The following PADI3 variants were observed in gnomAD, a reference collection of about 807,000 sequenced individuals.
PADI3 encodes peptidyl arginine deiminase 3, also known as protein-arginine deiminase type-3.
In PADI3, 53 loss-of-function variants were observed where a neutral mutation model predicts 71.5. The ratio of observed to expected loss-of-function variants is 0.74; its 90% confidence interval spans 0.59 to 0.93. The LOEUF is 0.93. Ranked by LOEUF, PADI3 falls within the 40% of genes least tolerant of loss-of-function variation. The pLI is 0.00. For synonymous variants in PADI3, 361 were observed against 347.5 expected (o/e 1.04, Z -0.43); for missense variants, 821 against 868.0 (o/e 0.95, Z 0.68).
intron 2 of PADI3, among the ~76,000 whole-genome samples, chr1:17,260,063 G>T (rs1343924548): frequency 6.6e-6 from 1 of 152,140 alleles, no homozygotes; most frequent in Non-Finnish European, 1.5e-5. Context: ...TCCTTCTCTT[G>T]CTTCCCAAGA....
intron 1 of PADI3, among the ~76,000 whole-genome samples, chr1:17,256,062 A>G (rs1380340629): frequency 6.6e-6 from 1 of 152,172 alleles, no homozygotes; most frequent in African/African-American, 2.4e-5. Flanking sequence ...TTAAGGTTCC[A>G]CGGTGAAAAC....
At chr1:17,275,235 A>T (rs2073312271) in intron 11 of PADI3, among the ~76,000 whole-genome samples, 1 of 151,492 alleles carries the variant, frequency 6.6e-6, no homozygotes, top group Non-Finnish European at 1.5e-5. Context: ...GGAGATCGAG[A>T]CCATCCTGGC....
rs760902791 is a variant in PADI3 at position 17,280,692 on chromosome 1, G to A, written c.1657G>A (p.Glu553Lys). 5.2e-5 allele frequency: 84 copies of A among 1,614,078 alleles called. No homozygotes were observed. The highest frequency in any genetic ancestry group is 6.7e-5 in the Non-Finnish European group (79 of 1,180,040). Reference sequence around the variant, plus strand: ...CCAGAGCTGCATCGACTGGAACCGTGAGGTGCTGAAGCGGGAGCTGGGCCT... The same window carrying A: ...CCAGAGCTGCATCGACTGGAACCGTAAGGTGCTGAAGCGGGAGCTGGGCCT... ...FVQSCIDWNR[E>K]VLKRELGLAE... The change falls in exon 15 of 16, where the codon GAG (glutamate) becomes AAG (lysine). Residue 553 changes from glutamate (E) to lysine (K), a missense_variant. Transcript: ENST00000375460.
At chr1:17,278,454 C>T (rs1356416429) in intron 13 of PADI3, among the ~76,000 whole-genome samples, 1 of 152,150 alleles carries the variant, frequency 6.6e-6, no homozygotes, top group African/African-American at 2.4e-5. Flanking sequence ...GTCTTGAACT[C>T]CTGAGCTCAA....
At position 17,249,185 on chromosome 1, in the gene PADI3, C is replaced by G; in HGVS notation, c.48C>G (p.Ser16Arg). The change falls in exon 1 of 16, where the codon AGC becomes AGG. Residue 16 changes from serine to arginine, a missense_variant. Coordinates refer to ENST00000375460, the MANE Select transcript of PADI3 (RefSeq NM_016233.2). The part of the protein sequence containing the change: ...IVRVSLEHPT[S>R]AVCVAGVETL... ...GTGTGTCCCTGGAGCATCCCACCAG[C>G]GCGGTGTGTGTGGCTGGCGTGGAGA... The G allele has an allele frequency of 6.2e-7, 1 of 1,614,132 alleles. No individual in the cohort carries two copies.
chr1:17,264,331 T>TACACAC (rs60223695), intron 3 of PADI3, among the ~76,000 whole-genome samples: 2,018 of 148,184 alleles, frequency 0.014, 41 homozygotes, highest in African/African-American at 0.039. Flanking sequence ...AAAGCATATG[T>TACACAC]ACACACACAC....
intron 3 of PADI3, among the ~76,000 whole-genome samples, chr1:17,264,536 C>G (rs192689800): frequency 7.0e-4 from 106 of 152,254 alleles, no homozygotes; most frequent in Non-Finnish European, 2.2e-4. Context: ...CTTGCTTCTC[C>G]TCATGGTTTT....
At chr1:17,263,414 C>A (rs2073126508) in intron 3 of PADI3, among the ~76,000 whole-genome samples, 2 of 151,870 alleles carry the variant, frequency 1.3e-5, no homozygotes, top group South Asian at 4.2e-4. Context: ...AATAGAGAAC[C>A]CATAGACAGA....
chr1:17,277,132 T>A (rs1156696323), intron 13 of PADI3, among the ~76,000 whole-genome samples: 2 of 150,808 alleles, frequency 1.3e-5, no homozygotes, highest in Non-Finnish European at 2.9e-5. Context: ...CCCAGGCAGG[T>A]GACCAGTGCA....
At position 17,277,192 on chromosome 1, in the gene PADI3, C is replaced by CT. The variant is rs139511864; in HGVS notation, c.1555+328dup. On this transcript the variant is annotated intron_variant, in intron 13 of 15. Transcript: ENST00000375460. ...CTGCAGTCACTATCCTGAAATCTCC[C>CT]TTTTTTTTTTTTCCTTTTTGAGACG... is the stretch of plus-strand genomic sequence containing the variant. Among the ~76,000 whole-genome samples the CT allele has an allele frequency of 6.4e-3, 945 of 146,782 alleles. 4 individuals are homozygous for CT. Among genetic ancestry groups the CT allele is most frequent in the Non-Finnish European group, 0.011 (700 of 66,276 alleles).
At chr1:17,251,037 C>A (rs920623582) in intron 1 of PADI3, among the ~76,000 whole-genome samples, 20 of 152,190 alleles carry the variant, frequency 1.3e-4, no homozygotes, top group Non-Finnish European at 8.8e-5. Flanking sequence ...GGTGGCCAAA[C>A]CCCCCAGGGG....
intron 6 of PADI3, 93 bp downstream of exon 6, chr1:17,268,055 T>A: frequency 6.9e-7 from 1 of 1,455,516 alleles, no homozygotes. Context: ...CATGGGCAGG[T>A]CCTGCTTACA....
chr1:17,283,276 T>G lies in PADI3; in HGVS notation c.*197T>G, dbSNP rs899181722. 6.6e-5 allele frequency: 37 copies of G among 564,808 alleles called. No individual in the cohort carries two copies. In the South Asian group the frequency reaches 8.4e-4, roughly 13 times the overall value. The allele number at this position is 564,808 out of a possible 1,614,324, so 35.0% of individuals were successfully genotyped here. On this transcript the variant is annotated 3_prime_UTR_variant, in exon 16 of 16. Coordinates refer to ENST00000375460, the MANE Select transcript of PADI3 (RefSeq NM_016233.2). ...CTGCAACCCATGTGGTTCTCAGACT[T>G]GAATCTTCTCGGCCCCCCAAAAAGA...
At chr1:17,250,143 A>C (rs12562867) in intron 1 of PADI3, among the ~76,000 whole-genome samples, 42,691 of 151,908 alleles carry the variant, frequency 0.28, 6,101 homozygotes, top group South Asian at 0.34. Context: ...TTTGGGGAGA[A>C]TCCAGGGTCC....
At chr1:17,259,515 G>A (rs45438395) in intron 1 of PADI3, 63 bp from the exon 2 acceptor site, 135,652 of 1,466,014 alleles carry the variant, frequency 0.093, 7,047 homozygotes, top group South Asian at 0.19. Context: ...TTGAGCCAAA[G>A]CTCAAACATC....
rs1173153420 is a variant in PADI3, at chr1:17,284,204, C to A, written c.*1125C>A. On this transcript the variant is annotated 3_prime_UTR_variant, in exon 16 of 16. Transcript: ENST00000375460. ...TGTATGGGTCCAGCTGCGTTTCCAT[C>A]ACTCGCTAATAAATCAACAGAAACA... 6.6e-6 allele frequency: 1 copy of A among 152,176 alleles called. No homozygotes were observed. The highest frequency in any genetic ancestry group is 2.4e-5 in the African/African-American group (1 of 41,436). The allele number at this position is 152,176 out of a possible 1,614,324, so 9.4% of individuals were successfully genotyped here. A position where few individuals can be genotyped will look rare whatever the true frequency, so the allele number is the denominator to read the frequency against.
intron 3 of PADI3, among the ~76,000 whole-genome samples, chr1:17,265,324 A>C (rs146014936): frequency 6.6e-6 from 1 of 152,226 alleles, no homozygotes; most frequent in African/African-American, 2.4e-5. Flanking sequence ...CATTCCAAGG[A>C]GATGAGGCAG....
chr1:17,278,313 G>A (rs1238011239), intron 13 of PADI3, among the ~76,000 whole-genome samples: 2 of 151,988 alleles, frequency 1.3e-5, no homozygotes, highest in African/African-American at 4.8e-5. Flanking sequence ...CTGCAGCCTC[G>A]ACCTCCCAGA....
intron 1 of PADI3, among the ~76,000 whole-genome samples, chr1:17,252,429 G>C (rs968727727): frequency 1.3e-5 from 2 of 149,274 alleles, no homozygotes; most frequent in African/African-American, 5.0e-5. Flanking sequence ...TGAAGACAGG[G>C]TCTCACTCTG....
Sources: allele counts gnomAD v4.1 joint callset (sites outside exome capture counted in the v4.1 genomes callset), GRCh38; gene constraint gnomAD v4.1.1; transcripts MANE v1.5; gene names NCBI Gene and HGNC (gene_info 2026-07-23, HGNC 2026-07-21).